Variants in EVL observed in about 807,000 individuals in gnomAD.
EVL encodes the protein ena/VASP-like protein.
In EVL, 21 loss-of-function variants were observed where a neutral mutation model predicts 59.6. The ratio of observed to expected loss-of-function variants is 0.35; its 90% CI spans 0.25 to 0.51. The LOEUF (loss-of-function observed/expected upper bound fraction) is 0.51, where lower values mean the gene tolerates loss of function less well. EVL is among the 20% of genes least tolerant of loss of function. The pLI is 0.97. For missense variants in EVL, 462 were observed against 546.6 expected, an observed-to-expected ratio of 0.85 and a Z score of 1.54; for synonymous variants, 198 against 203.5, an observed-to-expected ratio of 0.97 and a Z score of 0.23.
In EVL at chr14:100,002,099, G is replaced by A. The variant is rs189680319; in HGVS notation, c.5+30042G>A. On this transcript the variant is annotated intron_variant, in intron 1 of 13. Transcript: ENST00000402714. ...CTTGACTCTAAAAAACAAAGGATCAGCAACGTTTTAAGCAAAAAGTCAAAA... is the reference window on the plus strand; with the variant it reads ...CTTGACTCTAAAAAACAAAGGATCAACAACGTTTTAAGCAAAAAGTCAAAA... Among the ~76,000 whole-genome samples, 420 of 152,244 alleles carry A rather than the reference G, an allele frequency of 2.8e-3. 3 individuals are homozygous for A. The highest frequency in any genetic ancestry group is 9.8e-3 in the African/African-American group (409 of 41,536).
intron 1 of EVL, among the ~76,000 whole-genome samples, chr14:100,008,425 T>G: frequency 6.6e-6 from 1 of 152,240 alleles, no homozygotes; most frequent in East Asian, 1.9e-4. Context: ...GAGATCAGAC[T>G]GACTCTTTTC....
chr14:100,017,030 G>C (rs1231374409), intron 1 of EVL, among the ~76,000 whole-genome samples: 1 of 152,174 alleles, frequency 6.6e-6, no homozygotes, highest in Non-Finnish European at 1.5e-5. Context: ...TTGGTGTAAG[G>C]ACACCAGGAG....
intron 1 of EVL, among the ~76,000 whole-genome samples, chr14:99,975,518 G>A (rs774793074): frequency 2.6e-5 from 4 of 152,152 alleles, no homozygotes; most frequent in Non-Finnish European, 5.9e-5. Context: ...TTTGGCACCA[G>A]GGACTGGTTT....
chr14:99,993,275 G>T (rs979795497), intron 1 of EVL, among the ~76,000 whole-genome samples: 2 of 151,920 alleles, frequency 1.3e-5, no homozygotes, highest in African/African-American at 4.8e-5. Flanking sequence ...AGCCAAAATG[G>T]TCTCAATCTC....
chr14:100,129,708 C>T (rs1440440131), intron 7 of EVL, 24 bp downstream of exon 7: 3 of 1,530,946 alleles, frequency 2.0e-6, no homozygotes, highest in African/African-American at 2.8e-5. Context: ...CCTCCCGAGA[C>T]TTGGTGTGCC....
chr14:100,028,283 CTG>C (rs1402786893), intron 1 of EVL, among the ~76,000 whole-genome samples: 2 of 151,914 alleles, frequency 1.3e-5, no homozygotes, highest in African/African-American at 4.8e-5. Context: ...TTTGATAAAA[CTG>C]TGTGAGATGC....
At chr14:99,982,932 A>G (rs1041020412) in intron 1 of EVL, among the ~76,000 whole-genome samples, 1 of 152,230 alleles carries the variant, frequency 6.6e-6, no homozygotes. Flanking sequence ...TTTCTCAAGT[A>G]TAAATGAGGA....
intron 1 of EVL, among the ~76,000 whole-genome samples, chr14:100,068,773 G>A (rs572422185): frequency 2.3e-4 from 35 of 152,270 alleles, no homozygotes; most frequent in Admixed American, 1.9e-3. Flanking sequence ...GGTGCTAGCT[G>A]GAAGAATCTG....
intron 2 of EVL, among the ~76,000 whole-genome samples, chr14:100,092,962 A>T (rs1013483917): frequency 6.6e-6 from 1 of 152,242 alleles, no homozygotes; most frequent in Non-Finnish European, 1.5e-5. Context: ...GATGGGTACT[A>T]AATGAAGCAG....
At chr14:100,124,576 T>C (rs1290546635) in intron 4 of EVL, among the ~76,000 whole-genome samples, 3 of 152,172 alleles carry the variant, frequency 2.0e-5, no homozygotes, top group African/African-American at 7.2e-5. Context: ...AGAATGGAAG[T>C]GACTTGCCCA....
intron 6 of EVL, among the ~76,000 whole-genome samples, 165 bp from the exon 7 acceptor site, chr14:100,129,398 C>A (rs551147286): frequency 6.6e-6 from 1 of 152,290 alleles, no homozygotes; most frequent in Non-Finnish European, 1.5e-5. Context: ...TGGTTTTCTC[C>A]CCTGTGGGGT....
chr14:99,983,048 C>T (rs1414404662), intron 1 of EVL, among the ~76,000 whole-genome samples: 1 of 152,200 alleles, frequency 6.6e-6, no homozygotes, highest in Non-Finnish European at 1.5e-5. Context: ...TACTCCACCC[C>T]ACCCCAGCCT....
intron 1 of EVL, among the ~76,000 whole-genome samples, chr14:100,055,999 A>G (rs577940621): frequency 6.6e-6 from 1 of 152,000 alleles, no homozygotes; most frequent in South Asian, 2.1e-4. Flanking sequence ...TTTAGTAGAG[A>G]CAAGGTTTCA....
chr14:100,123,616 C>T lies in EVL; in HGVS notation c.422+14C>T, dbSNP rs757631874. On this transcript the variant is annotated intron_variant, in intron 4 of 13. Transcript: ENST00000392920. ...CATCCAGAGAAGGTAACCCAGCACC[C>T]GCAGGGGCCAGGCTGGTCATCTCCC... is the stretch of plus-strand genomic sequence containing the variant. The T allele has an allele frequency of 3.6e-5, 58 of 1,613,816 alleles. No homozygotes were observed. Among genetic ancestry groups the T allele is most frequent in the Non-Finnish European group, 4.4e-5 (52 of 1,179,828 alleles).
chr14:99,973,929 C>T (rs2060752615), intron 1 of EVL, among the ~76,000 whole-genome samples: 1 of 152,170 alleles, frequency 6.6e-6, no homozygotes. Context: ...AATCTTTTCC[C>T]CATAACTCTG....
chr14:100,024,141 CTG>C (rs1300783203), intron 1 of EVL, among the ~76,000 whole-genome samples: 1 of 152,198 alleles, frequency 6.6e-6, no homozygotes, highest in Non-Finnish European at 1.5e-5. Context: ...TATTTTGAGT[CTG>C]TTTTATTTTT....
chr14:99,975,564 G>A (rs1484433172), intron 1 of EVL, among the ~76,000 whole-genome samples: 2 of 152,146 alleles, frequency 1.3e-5, no homozygotes, highest in Non-Finnish European at 2.9e-5. Flanking sequence ...GGTTAGGGGG[G>A]TAGTTTCCAG....
chr14:100,071,848 G>T (rs1224725037), intron 1 of EVL, among the ~76,000 whole-genome samples: 3 of 152,134 alleles, frequency 2.0e-5, no homozygotes, highest in Non-Finnish European at 4.4e-5. Context: ...TGTGTGGTGG[G>T]ATCGTGGGAA....
chr14:100,091,900 C>G (rs1354820355), intron 2 of EVL, among the ~76,000 whole-genome samples: 1 of 152,106 alleles, frequency 6.6e-6, no homozygotes, highest in Non-Finnish European at 1.5e-5. Context: ...CACTTGACGT[C>G]TACTTGAGAA....
Sources: gnomAD v4.1 joint callset for allele counts (sites outside exome capture counted in the v4.1 genomes callset) on GRCh38, gnomAD v4.1.1 for gene constraint, MANE v1.5 for transcripts, NCBI Gene and HGNC (gene_info 2026-07-23, HGNC 2026-07-21) for gene names.